The following MACF1 variants were observed in gnomAD, a reference collection of about 807,000 sequenced individuals.
The protein encoded by MACF1 is microtubule-actin cross-linking factor 1.
A neutral mutation model predicts 854.8 loss-of-function variants in MACF1; 193 were observed. That is an observed-to-expected ratio of 0.23 (90% CI 0.20 to 0.25). MACF1 has a LOEUF of 0.25. MACF1 is among the 10% of genes least tolerant of loss of function. The pLI is 1.00. For missense variants in MACF1, 7,722 were observed against 8,929.1 expected (o/e 0.86, Z 5.45); for synonymous variants, 3,185 against 3,226.7 (o/e 0.99, Z 0.44).
At chr1:39,287,859 A>C (rs902958209) in intron 15 of MACF1, among the ~76,000 whole-genome samples, 1 of 152,030 alleles carries the variant, frequency 6.6e-6, no homozygotes, top group African/African-American at 2.4e-5. Flanking sequence ...TTCTCCTTAA[A>C]TCTTGCATGG....
At chr1:39,385,974 G>T in intron 57 of MACF1, 45 bp downstream of exon 57, 1 of 1,550,622 alleles carries the variant, frequency 6.4e-7, no homozygotes, top group Non-Finnish European at 8.7e-7. Flanking sequence ...TTAGAGGCAA[G>T]CAGAAAGAAG....
chr1:39,093,754 G>C (rs2148123608), intron 2 of MACF1, among the ~76,000 whole-genome samples: 1 of 151,656 alleles, frequency 6.6e-6, no homozygotes, highest in Non-Finnish European at 1.5e-5. Flanking sequence ...AAAGTGCTGG[G>C]ATTACAGGTG....
At chr1:39,261,614 C>G (rs59004791) in intron 6 of MACF1, among the ~76,000 whole-genome samples, 3,065 of 152,184 alleles carry the variant, frequency 0.02, 111 homozygotes, top group African/African-American at 0.071. Flanking sequence ...TTGGTTCATC[C>G]ATGTTGTGGC....
intron 65 of MACF1, 113 bp from the exon 66 acceptor site, chr1:39,430,589 G>T: frequency 1.3e-6 from 1 of 758,296 alleles, no homozygotes; most frequent in Non-Finnish European, 2.2e-6. Context: ...ACTGAAGGAA[G>T]GAGGTCAGAG....
At chr1:39,339,871 TTC>T (rs1407204636) in intron 38 of MACF1, among the ~76,000 whole-genome samples, 1 of 152,118 alleles carries the variant, frequency 6.6e-6, no homozygotes, top group Non-Finnish European at 1.5e-5. Context: ...GGTTTACTGG[TTC>T]TCTCAATATC....
At chr1:39,383,148 A>C (rs193018327) in intron 56 of MACF1, among the ~76,000 whole-genome samples, 34 of 152,252 alleles carry the variant, frequency 2.2e-4, no homozygotes, top group African/African-American at 8.2e-4. Context: ...GGTTGGTCAA[A>C]ATTATGTCAT....
At chr1:39,111,680 A>G (rs1642410587) in intron 2 of MACF1, among the ~76,000 whole-genome samples, 1 of 151,858 alleles carries the variant, frequency 6.6e-6, no homozygotes, top group Non-Finnish European at 1.5e-5. Context: ...CGCACCTGGC[A>G]ATTATTTTAT....
chr1:39,406,165 C>G lies in MACF1; in HGVS notation c.15817-16209C>G, dbSNP rs532883215. 3.9e-5 allele frequency among the ~76,000 whole-genome samples: 6 copies of G among 152,232 alleles called. No homozygotes were observed. The East Asian group carries it at 5.8e-4, about 15-fold the overall frequency. On this transcript the variant is annotated intron_variant, in intron 58 of 100. Transcript: ENST00000564288. ...GAGGTGCGGTGGGAGGATTAGATTACTATATGTAATTTCTCTTTAGGTTGT... is the reference window on the plus strand; with the variant it reads ...GAGGTGCGGTGGGAGGATTAGATTAGTATATGTAATTTCTCTTTAGGTTGT...
intron 68 of MACF1, among the ~76,000 whole-genome samples, chr1:39,433,701 A>T (rs1353048134): frequency 6.6e-6 from 1 of 152,146 alleles, no homozygotes; most frequent in African/African-American, 2.4e-5. Context: ...CTTTTTTTTA[A>T]TCAGAAGAAA....
Position 39,445,129 on chromosome 1 carries a change from A to G in MACF1, c.19605+294A>G, listed in dbSNP as rs553901093. Among the ~76,000 whole-genome samples the G allele has an allele frequency of 7.4e-4, 113 of 152,292 alleles. 1 individual carries two copies. In the South Asian group the frequency reaches 0.023, roughly 31 times the overall value. Reference sequence around the variant, plus strand: ...CTACTTAAAAACAAGGTTTTGCTGGAGTTGGTATCTTGGGGTTGAGAGATT... The same window carrying G: ...CTACTTAAAAACAAGGTTTTGCTGGGGTTGGTATCTTGGGGTTGAGAGATT... On this transcript the variant is annotated intron_variant, in intron 80 of 100. Transcript: ENST00000564288.
At chr1:39,447,980 G>A (rs1644261664) in intron 82 of MACF1, 53 bp from the exon 83 acceptor site, 2 of 1,612,214 alleles carry the variant, frequency 1.2e-6, no homozygotes, top group Middle Eastern at 3.3e-4. Context: ...TCTCAAACGT[G>A]CTGTATAGTG....
intron 79 of MACF1, among the ~76,000 whole-genome samples, chr1:39,444,116 A>G (rs1007022934): frequency 3.9e-5 from 6 of 152,172 alleles, no homozygotes; most frequent in African/African-American, 1.4e-4. Flanking sequence ...TGGGTGGATC[A>G]TGAGGTCAGG....
At chr1:39,480,037 C>T in intron 98 of MACF1, 28 bp downstream of exon 98, 3 of 1,432,064 alleles carry the variant, frequency 2.1e-6, no homozygotes, top group Non-Finnish European at 2.9e-6. Flanking sequence ...TTATGCCCTT[C>T]TTCCCCAATC....
At chr1:39,260,407 C>T (rs1271622902) in intron 6 of MACF1, 11 of 150,772 alleles carry the variant, frequency 7.3e-5, no homozygotes, top group Admixed American at 6.6e-4. Context: ...TCTTGTTGCA[C>T]AGGCTGGAGT....
chr1:39,101,221 G>A (rs1213882686), intron 2 of MACF1, among the ~76,000 whole-genome samples: 1 of 151,782 alleles, frequency 6.6e-6, no homozygotes, highest in Admixed American at 6.6e-5. Context: ...GCTGGGCATG[G>A]TGGCAGGCGC....
intron 2 of MACF1, chr1:39,102,936 T>C (rs747738476): frequency 1.4e-6 from 1 of 701,682 alleles, no homozygotes; most frequent in South Asian, 1.5e-5. Context: ...TTTGTTCCTC[T>C]AGCCTTGTAA....
chr1:39,113,857 G>A (rs936577128), intron 2 of MACF1, among the ~76,000 whole-genome samples: 7 of 152,200 alleles, frequency 4.6e-5, no homozygotes, highest in South Asian at 2.1e-4. Context: ...CCAACTTGGC[G>A]AAACCCCATC....
At chr1:39,429,684 C>T in intron 64 of MACF1, 143 bp from the exon 65 acceptor site, 1 of 785,772 alleles carries the variant, frequency 1.3e-6, no homozygotes, top group Non-Finnish European at 2.1e-6. Flanking sequence ...CCCATTTGCC[C>T]TTAGTATGGG....
chr1:39,448,626 T>C lies in MACF1; in HGVS notation c.20121T>C (p.Pro6707=). The C allele has an allele frequency of 1.9e-6, 3 of 1,596,994 alleles. No homozygotes were observed. The highest frequency in any genetic ancestry group is 1.1e-5 in the South Asian group (1 of 88,374). Residue 6707 remains proline (P), a synonymous_variant, in exon 84 of 101, where the codon CCT becomes CCC. Transcript: ENST00000564288. ...EFQKTLGGKQ[P]VYDTTIRTGR... is the part of the protein sequence containing the mutation. ...AGAAGACTCTTGGTGGCAAGCAGCC[T>C]GTGTATGATACCACAATTAGAACTG...
Sources: gnomAD v4.1 joint callset for allele counts (sites outside exome capture counted in the v4.1 genomes callset) on GRCh38, gnomAD v4.1.1 for gene constraint, MANE v1.5 for transcripts, NCBI Gene and HGNC (gene_info 2026-07-23, HGNC 2026-07-21) for gene names.